LRBA: variants seen among roughly 807,000 people sequenced by gnomAD.
LRBA encodes the protein lipopolysaccharide-responsive and beige-like anchor protein.
In LRBA, 176 loss-of-function variants were observed where a neutral mutation model predicts 330.0. The ratio of observed to expected loss-of-function variants is 0.53; its 90% CI spans 0.47 to 0.60. The LOEUF (loss-of-function observed/expected upper bound fraction) is 0.60. Among genes scored for constraint, LRBA ranks in the 20% least tolerant of loss-of-function variants. The pLI, the probability that LRBA is intolerant of heterozygous loss-of-function variation, is 0.00. For missense variants in LRBA, 3,259 were observed against 3,444.8 expected (o/e 0.95, Z 1.35); for synonymous variants, 1,230 against 1,193.0 (o/e 1.03, Z -0.64).
intron 53 of LRBA, among the ~76,000 whole-genome samples, chr4:150,301,999 G>A (rs1274736643): frequency 3.9e-5 from 6 of 152,060 alleles, no homozygotes; most frequent in Non-Finnish European, 7.4e-5. Context: ...AGCTGTGTGC[G>A]ATTGGTTTTA....
At chr4:150,906,523 T>C (rs1284653312) in intron 11 of LRBA, 118 bp from the exon 12 acceptor site, 2 of 583,182 alleles carry the variant, frequency 3.4e-6, no homozygotes, top group African/African-American at 1.9e-5. Flanking sequence ...TCAAAGAAAT[T>C]GAAGCTCCAC....
At chr4:150,760,678 C>A (rs776469980) in intron 35 of LRBA, among the ~76,000 whole-genome samples, 2 of 152,038 alleles carry the variant, frequency 1.3e-5, no homozygotes, top group African/African-American at 4.8e-5. Flanking sequence ...TTTTCCATAA[C>A]CTCCAATTTT....
intron 43 of LRBA, among the ~76,000 whole-genome samples, chr4:150,469,668 G>C (rs1271558500): frequency 6.6e-6 from 1 of 151,994 alleles, no homozygotes; most frequent in African/African-American, 2.4e-5. Context: ...ATAAAATTTA[G>C]AACTTTCAAT....
At chr4:150,631,068 A>G (rs537784366) in intron 37 of LRBA, among the ~76,000 whole-genome samples, 2 of 152,208 alleles carry the variant, frequency 1.3e-5, no homozygotes, top group East Asian at 3.9e-4. Context: ...GTAAAGTTAG[A>G]TAGTCCTTAA....
chr4:150,462,441 T>C (rs1754892094), intron 44 of LRBA, among the ~76,000 whole-genome samples: 1 of 151,832 alleles, frequency 6.6e-6, no homozygotes. Flanking sequence ...TATAAAGAGA[T>C]ATATTGTACA....
intron 2 of LRBA, among the ~76,000 whole-genome samples, chr4:150,976,338 A>G (rs1313129704): frequency 6.6e-6 from 1 of 152,188 alleles, no homozygotes; most frequent in Non-Finnish European, 1.5e-5. Context: ...CTGTCCCCCA[A>G]ACAAATACAT....
At chr4:150,993,478 G>A (rs2149632599) in intron 2 of LRBA, among the ~76,000 whole-genome samples, 1 of 152,316 alleles carries the variant, frequency 6.6e-6, no homozygotes, top group South Asian at 2.1e-4. Context: ...GCCAAGGCAG[G>A]TGGATCACCT....
intron 28 of LRBA, among the ~76,000 whole-genome samples, chr4:150,838,103 A>G (rs532909187): frequency 6.6e-6 from 1 of 152,312 alleles, no homozygotes; most frequent in African/African-American, 2.4e-5. Flanking sequence ...TTCTTTAAGA[A>G]TGTTGAATAT....
chr4:150,980,957 G>C (rs570082351), intron 2 of LRBA, among the ~76,000 whole-genome samples: 2 of 151,926 alleles, frequency 1.3e-5, no homozygotes, highest in Non-Finnish European at 2.9e-5. Flanking sequence ...ATAAAATACT[G>C]GTGAAAAAAA....
Position 150,307,995 on chromosome 4 carries a change from CA to C in LRBA, c.7849+2233del, listed in dbSNP as rs1306793513. 6.6e-5 allele frequency among the ~76,000 whole-genome samples: 10 copies of C among 151,896 alleles called. No individual in the cohort carries two copies. The East Asian group carries it at 1.7e-3, about 26-fold the overall frequency. On this transcript the variant is annotated intron_variant, in intron 52 of 56. Transcript: ENST00000651943. ...TTCAAGAACAAACTCCTTGAATAAC[CA>C]AAAATTAATTGTTCTATAAACTATA...
At chr4:150,356,929 A>C (rs1324913686) in intron 47 of LRBA, among the ~76,000 whole-genome samples, 1 of 152,040 alleles carries the variant, frequency 6.6e-6, no homozygotes, top group Non-Finnish European at 1.5e-5. Context: ...AAATTGTGAC[A>C]TTAAGATCAA....
chr4:150,791,905 T>C (rs1007223027), intron 34 of LRBA, among the ~76,000 whole-genome samples: 1 of 151,092 alleles, frequency 6.6e-6, no homozygotes, highest in Non-Finnish European at 1.5e-5. Flanking sequence ...GGTGGGCGCC[T>C]GTAGTCCCAG....
At chr4:151,011,295 T>C (rs1304098213) in intron 2 of LRBA, among the ~76,000 whole-genome samples, 2 of 152,178 alleles carry the variant, frequency 1.3e-5, no homozygotes, top group Non-Finnish European at 2.9e-5. Flanking sequence ...ATAAACTTTA[T>C]TGTTTAAGTA....
chr4:150,659,196 A>G (rs1358980806), intron 37 of LRBA, among the ~76,000 whole-genome samples: 4 of 105,652 alleles, frequency 3.8e-5, no homozygotes, highest in Admixed American at 3.0e-4. Flanking sequence ...GGATGTGAGG[A>G]GCCCCTCTGC....
intron 48 of LRBA, among the ~76,000 whole-genome samples, chr4:150,342,154 C>G (rs1162551075): frequency 6.6e-6 from 1 of 151,516 alleles, no homozygotes; most frequent in Non-Finnish European, 1.5e-5. Flanking sequence ...TTTCTTCTTT[C>G]CTTGGGTTTT....
chr4:150,935,865 C>T (rs1204381707), intron 2 of LRBA, among the ~76,000 whole-genome samples: 2 of 151,554 alleles, frequency 1.3e-5, no homozygotes, highest in Non-Finnish European at 2.9e-5. Flanking sequence ...CCTTATCTTA[C>T]AAAATATGCC....
intron 42 of LRBA, among the ~76,000 whole-genome samples, chr4:150,478,366 G>A (rs1756943096): frequency 6.6e-6 from 1 of 152,128 alleles, no homozygotes; most frequent in South Asian, 2.1e-4. Context: ...ATGGAAGGAT[G>A]TTTATACAAA....
At chr4:150,988,135 C>T (rs1741667303) in intron 2 of LRBA, among the ~76,000 whole-genome samples, 1 of 151,638 alleles carries the variant, frequency 6.6e-6, no homozygotes, top group Non-Finnish European at 1.5e-5. Flanking sequence ...TAAAGTCAAA[C>T]CCTATGTATA....
At chr4:150,423,277 G>A (rs1749080329) in intron 46 of LRBA, 2 of 901,478 alleles carry the variant, frequency 2.2e-6, no homozygotes, top group African/African-American at 3.3e-5. Context: ...ATCTCCTGTA[G>A]GGGTGTCTCC....
Sources: gnomAD v4.1 joint callset for allele counts (sites outside exome capture counted in the v4.1 genomes callset) on GRCh38, gnomAD v4.1.1 for gene constraint, MANE v1.5 for transcripts, NCBI Gene and HGNC (gene_info 2026-07-23, HGNC 2026-07-21) for gene names.